The following ARHGAP23 variants were observed in gnomAD, a reference collection of about 807,000 sequenced individuals.
ARHGAP23 encodes the protein rho GTPase-activating protein 23.
A neutral mutation model predicts 136.3 loss-of-function variants in ARHGAP23; 34 were observed. The ratio of observed to expected loss-of-function variants is 0.25; its 90% CI spans 0.19 to 0.33. ARHGAP23 has a LOEUF of 0.33. Among genes scored for constraint, ARHGAP23 ranks in the 10% least tolerant of loss-of-function variants. ARHGAP23 has a pLI of 1.00. For synonymous variants in ARHGAP23, 832 were observed against 920.5 expected, an observed-to-expected ratio of 0.90 and a Z score of 1.74; for missense variants, 1,808 against 2,139.0, an observed-to-expected ratio of 0.85 and a Z score of 3.05.
At chr17:38,425,614 G>A (rs1258515287), upstream of ARHGAP23, among the ~76,000 whole-genome samples, 1 of 152,162 alleles carries the variant, frequency 6.6e-6, no homozygotes, top group African/African-American at 2.4e-5. Context: ...AAGAGGGGGA[G>A]TATGAGGAGG....
chr17:38,467,485 A>G (rs1466115511), intron 7 of ARHGAP23, among the ~76,000 whole-genome samples, 154 bp downstream of exon 7: 5 of 152,132 alleles, frequency 3.3e-5, no homozygotes, highest in Admixed American at 3.3e-4. Flanking sequence ...CTGTTCATCC[A>G]TCCATCCATC....
In ARHGAP23 at chr17:38,511,828, C is replaced by T. The variant is rs537095426; in HGVS notation, c.*856C>T. On this transcript the variant is annotated 3_prime_UTR_variant, in exon 24 of 24. Coordinates refer to ENST00000622683, the MANE Select transcript of ARHGAP23 (RefSeq NM_001199417.2). ...ATCTGTGCCTGTTCCTTCCACAGCC[C>T]AGGCACACAGAAGCCCACCTTCTTC... 6.6e-6 allele frequency: 1 copy of T among 152,284 alleles called. No individual in the cohort carries two copies. Among genetic ancestry groups the T allele is most frequent in the Admixed American group, 6.5e-5 (1 of 15,296 alleles). The allele number at this position is 152,284 out of a possible 1,614,324, so 9.4% of individuals were successfully genotyped here.
Position 38,466,339 on chromosome 17 carries a change from C to G in ARHGAP23, c.656C>G (p.Pro219Arg), listed in dbSNP as rs1027163396. The change falls in exon 7 of 24, where the codon CCC becomes CGC. Residue 219 changes from proline to arginine, a missense_variant. By Grantham distance (103) the Pro-to-Arg change is moderately radical (BLOSUM62 -2). Transcript: ENST00000622683. Reference sequence around the variant, plus strand: ...CCCACCTCAGCACTGCCCAGTGACCCCCGGAGTCCTGCTGCCTGGAGTGAC... The same window carrying G: ...CCCACCTCAGCACTGCCCAGTGACCGCCGGAGTCCTGCTGCCTGGAGTGAC... ...PEPTSALPSDPRSPAAWSDPG... is the reference protein window; with the variant it reads ...PEPTSALPSDRRSPAAWSDPG... 5 of 1,543,280 alleles carry G rather than the reference C, an allele frequency of 3.2e-6. No individual in the cohort carries two copies. The highest frequency in any genetic ancestry group is 2.0e-5 in the Admixed American group (1 of 50,786).
chr17:38,467,376 G>T (rs2144653320), intron 7 of ARHGAP23, 45 bp downstream of exon 7: 1 of 1,446,874 alleles, frequency 6.9e-7, no homozygotes, highest in Non-Finnish European at 9.1e-7. Flanking sequence ...TTAGCTGTCG[G>T]CTGTCTGTGT....
intron 19 of ARHGAP23, among the ~76,000 whole-genome samples, chr17:38,490,912 TTTTGTTTG>T (rs1306669286): frequency 6.6e-6 from 1 of 152,230 alleles, no homozygotes; most frequent in Admixed American, 6.5e-5. Context: ...ATTTTTTGTG[TTTTGTTTG>T]TTTGTTTGTT....
At chr17:38,494,511 C>A (rs1224792656) in intron 20 of ARHGAP23, among the ~76,000 whole-genome samples, 1 of 151,944 alleles carries the variant, frequency 6.6e-6, no homozygotes, top group Non-Finnish European at 1.5e-5. Context: ...CTGCAGTGAG[C>A]CGAGATTGCG....
chr17:38,478,029 G>A, intron 12 of ARHGAP23, 133 bp downstream of exon 12: 1 of 981,436 alleles, frequency 1.0e-6, no homozygotes, highest in Non-Finnish European at 1.5e-6. Context: ...TGCACCTCGT[G>A]ATTGTGTCCC....
At chr17:38,481,717 C>G (rs986715632) in intron 14 of ARHGAP23, among the ~76,000 whole-genome samples, 6 of 152,182 alleles carry the variant, frequency 3.9e-5, no homozygotes, top group Non-Finnish European at 8.8e-5. Context: ...TATGATCATA[C>G]CACTGCACTA....
At chr17:38,502,575 ACTAT>A (rs1366290626) in intron 23 of ARHGAP23, among the ~76,000 whole-genome samples, 5 of 152,340 alleles carry the variant, frequency 3.3e-5, no homozygotes, top group Non-Finnish European at 4.4e-5. Flanking sequence ...GAAGAAATAG[ACTAT>A]CTGTCTGGCA....
In ARHGAP23 at chr17:38,466,776, C is replaced by T; in HGVS notation, c.1093C>T (p.Leu365=). 6.5e-7 allele frequency: 1 copy of T among 1,549,240 alleles called. No homozygotes were observed. Among genetic ancestry groups the T allele is most frequent in the Non-Finnish European group, 8.7e-7 (1 of 1,146,344 alleles). ...CCGGGCCACCCGTTCTGCCGAGGCA[C>T]TGGGGCCAGGGGCACTGGTGTCACC... ...LSRATRSAEA[L]GPGALVSPRF... The change falls in exon 7 of 24, where the codon CTG becomes TTG. Residue 365 remains leucine (L), a synonymous_variant. Coordinates refer to ENST00000622683, the MANE Select transcript of ARHGAP23 (RefSeq NM_001199417.2).
intron 20 of ARHGAP23, among the ~76,000 whole-genome samples, chr17:38,496,952 G>GAA (rs56999011): frequency 6.9e-6 from 1 of 145,542 alleles, no homozygotes; most frequent in Non-Finnish European, 1.5e-5. Flanking sequence ...GATTCTGTTG[G>GAA]AAAAAAAAAA....
chr17:38,461,301 G>C (rs140283078), intron 3 of ARHGAP23, among the ~76,000 whole-genome samples: 1 of 152,354 alleles, frequency 6.6e-6, no homozygotes, highest in Non-Finnish European at 1.5e-5. Flanking sequence ...CTGGGGGCTG[G>C]TGGTGGGAGC....
rs184807371 is a variant in ARHGAP23 at position 38,490,413 on chromosome 17, G to A, written c.3061-49G>A. ...GGGGCATGGTGATGACGGGGGACAGGGGCAGGCCCTTACAGCCTGTCCCCA... is the reference window on the plus strand; with the variant it reads ...GGGGCATGGTGATGACGGGGGACAGAGGCAGGCCCTTACAGCCTGTCCCCA... On this transcript the variant is annotated intron_variant, in intron 18 of 23. Transcript: ENST00000622683. The A allele has an allele frequency of 5.8e-6, 8 of 1,386,532 alleles. No homozygotes were observed. In the African/African-American group the frequency reaches 1.0e-4, roughly 17 times the overall value. 85.9% of individuals were successfully genotyped at this position (1,386,532 alleles called of 1,614,324 possible).
chr17:38,437,715 A>G (rs2038829388), intron 1 of ARHGAP23, among the ~76,000 whole-genome samples: 1 of 150,092 alleles, frequency 6.7e-6, no homozygotes, highest in Admixed American at 6.6e-5. Flanking sequence ...GGAGCCTGGG[A>G]GGACACCCCT....
At chr17:38,494,042 T>C (rs2040335998) in intron 20 of ARHGAP23, among the ~76,000 whole-genome samples, 1 of 152,122 alleles carries the variant, frequency 6.6e-6, no homozygotes, top group African/African-American at 2.4e-5. Context: ...TACAGGACAT[T>C]TAGCAGCATC....
chr17:38,496,195 G>A (rs1207773785), intron 20 of ARHGAP23, among the ~76,000 whole-genome samples: 1 of 152,138 alleles, frequency 6.6e-6, no homozygotes, highest in Non-Finnish European at 1.5e-5. Context: ...ACTGCACCGG[G>A]CCTGTCACTA....
At chr17:38,436,916 C>G (rs766423242) in intron 1 of ARHGAP23, among the ~76,000 whole-genome samples, 1 of 152,190 alleles carries the variant, frequency 6.6e-6, no homozygotes, top group Non-Finnish European at 1.5e-5. Context: ...AGAATTGCCA[C>G]AGGGATTGGT....
rs1303883654 is a variant in ARHGAP23, at chr17:38,477,166, C to CT, written c.2119-412dup. ...GCAGGAAAGTGGGGAGAACAACCCT[C>CT]TAAGAGTGCGGACGGCTTCTGAGCA... is the stretch of plus-strand genomic sequence containing the variant. On this transcript the variant is annotated intron_variant, in intron 11 of 23. Transcript: ENST00000622683. This position sits in a 1 kb window ranked among gnomAD's most constrained non-coding sequence, Gnocchi z 6.6. 6.6e-6 allele frequency among the ~76,000 whole-genome samples: 1 copy of CT among 151,970 alleles called. No individual in the cohort carries two copies. Among genetic ancestry groups the CT allele is most frequent in the African/African-American group, 2.4e-5 (1 of 41,370 alleles).
chr17:38,464,347 G>A lies in ARHGAP23; in HGVS notation c.483+965G>A, dbSNP rs555020581. 6.6e-5 allele frequency among the ~76,000 whole-genome samples: 10 copies of A among 152,108 alleles called. No individual in the cohort carries two copies. In the South Asian group the frequency reaches 1.7e-3, roughly 25 times the overall value. ...ACTGCCTCTTTGTGCCTGGAGCCCCGGCGGTCCGCTTTGCCCAGTGCCCAC... is the reference window on the plus strand; with the variant it reads ...ACTGCCTCTTTGTGCCTGGAGCCCCAGCGGTCCGCTTTGCCCAGTGCCCAC... On this transcript the variant is annotated intron_variant, in intron 6 of 23. Transcript: ENST00000622683.
Sources: gnomAD v4.1 joint callset for allele counts (sites outside exome capture counted in the v4.1 genomes callset) on GRCh38, gnomAD v4.1.1 for gene constraint, Gnocchi (gnomAD v3.1) non-coding constraint, MANE v1.5 for transcripts, NCBI Gene and HGNC (gene_info 2026-07-23, HGNC 2026-07-21) for gene names.